The following CHD9 variants were observed in gnomAD, a reference collection of about 807,000 sequenced individuals.
The protein encoded by CHD9 is ATP-dependent chromatin remodeler CHD9.
Under a neutral mutation model 316.1 loss-of-function variants are expected in CHD9, and 77 were observed. The observed-to-expected ratio is 0.24, with a 90% CI of 0.20 to 0.29. The LOEUF is 0.29. Ranked by LOEUF, CHD9 falls within the 10% of genes least tolerant of loss-of-function variation. CHD9 has a pLI of 1.00. For missense variants in CHD9, 2,763 were observed against 3,438.1 expected (o/e 0.80, Z 4.91); for synonymous variants, 1,129 against 1,158.3 (o/e 0.97, Z 0.51).
intron 29 of CHD9, among the ~76,000 whole-genome samples, chr16:53,296,434 A>ATTTTTTTT (rs35618799): frequency 6.9e-5 from 7 of 101,762 alleles, no homozygotes; most frequent in African/African-American, 8.2e-5. Flanking sequence ...TTAAAAGTAA[A>ATTTTTTTT]TTTTTTTTTT....
At chr16:53,289,695 T>C (rs1166597313) in intron 27 of CHD9, among the ~76,000 whole-genome samples, 1 of 152,144 alleles carries the variant, frequency 6.6e-6, no homozygotes, top group Non-Finnish European at 1.5e-5. Flanking sequence ...GAATAGCATA[T>C]AAAAGCAGCA....
intron 1 of CHD9, among the ~76,000 whole-genome samples, chr16:53,115,987 G>A (rs2038265361): frequency 1.3e-5 from 2 of 152,214 alleles, no homozygotes. Flanking sequence ...TTGAGGAACA[G>A]ACTCCAGGTG....
chr16:53,098,336 C>T (rs1446637297), intron 1 of CHD9, among the ~76,000 whole-genome samples: 1 of 150,996 alleles, frequency 6.6e-6, no homozygotes, highest in East Asian at 2.0e-4. Flanking sequence ...ATAAGCTGGG[C>T]ATGGTGTTGG....
chr16:53,247,355 C>T lies in CHD9; in HGVS notation c.3517C>T (p.His1173Tyr). Residue 1173 changes from histidine to tyrosine, a missense_variant, in exon 16 of 39, where the codon CAT (histidine) becomes TAT (tyrosine). Transcript: ENST00000447540. ...DTYNPAASDFHLQAMIQSAGK... is the reference protein window; with the variant it reads ...DTYNPAASDFYLQAMIQSAGK... Reference sequence around the variant, plus strand: ...TTACAATCCAGCTGCTTCTGATTTTCATCTTCAAGCAATGATCCAGTCTGC... The same window carrying T: ...TTACAATCCAGCTGCTTCTGATTTTTATCTTCAAGCAATGATCCAGTCTGC... The T allele has an allele frequency of 6.2e-7, 1 of 1,607,178 alleles. No individual in the cohort carries two copies. The highest frequency in any genetic ancestry group is 1.3e-5 in the African/African-American group (1 of 75,004).
At chr16:53,225,081 A>G (rs1188906877) in intron 4 of CHD9, among the ~76,000 whole-genome samples, 2 of 152,114 alleles carry the variant, frequency 1.3e-5, no homozygotes, top group Non-Finnish European at 2.9e-5. Context: ...TCAGTATTTT[A>G]CTACTCACAA....
chr16:53,248,405 C>G (rs2049830158), intron 16 of CHD9, among the ~76,000 whole-genome samples: 4 of 150,596 alleles, frequency 2.7e-5, no homozygotes, highest in Admixed American at 1.3e-4. Flanking sequence ...GATATTTTAT[C>G]AGACCATTAG....
At chr16:53,214,183 T>C (rs2046557121) in intron 3 of CHD9, among the ~76,000 whole-genome samples, 1 of 152,174 alleles carries the variant, frequency 6.6e-6, no homozygotes, top group Admixed American at 6.5e-5. Flanking sequence ...TAGGTGTGTA[T>C]TTTTAACAAA....
Position 53,308,095 on chromosome 16 carries a change from C to G in CHD9, c.7053+142C>G, listed in dbSNP as rs954634758. On this transcript the variant is annotated intron_variant, in intron 33 of 38. Coordinates refer to ENST00000447540, the MANE Select transcript of CHD9 (RefSeq NM_001308319.2). ...TTTGGATTATTTTCTTTCTGATATC[C>G]AGGTTATTAAACTTGAATATTCTAC... 2.7e-5 allele frequency: 20 copies of G among 732,784 alleles called. No homozygotes were observed. In the African/African-American group the frequency reaches 3.4e-4, roughly 12 times the overall value. 45.4% of individuals were successfully genotyped at this position (732,784 alleles called of 1,614,324 possible).
chr16:53,190,355 A>C (rs1221898530), intron 2 of CHD9, among the ~76,000 whole-genome samples: 1 of 152,068 alleles, frequency 6.6e-6, no homozygotes, highest in Non-Finnish European at 1.5e-5. Flanking sequence ...AATCCATTCA[A>C]GCTCATTTTC....
intron 1 of CHD9, among the ~76,000 whole-genome samples, chr16:53,144,674 G>A (rs770580222): frequency 4.7e-4 from 72 of 151,836 alleles, no homozygotes; most frequent in Non-Finnish European, 7.2e-4. Flanking sequence ...GACTACAGGC[G>A]CCCACTATGC....
Position 53,255,768 on chromosome 16 carries a change from A to T in CHD9, c.4198A>T (p.Thr1400Ser), listed in dbSNP as rs1245178368. The T allele has an allele frequency of 5.6e-6, 9 of 1,613,688 alleles. No homozygotes were observed. The highest frequency in any genetic ancestry group is 6.8e-6 in the Non-Finnish European group (8 of 1,179,758). Reference sequence around the variant, plus strand: ...AATTGAATCAGAAGGACGTGGGTCAACATTTGCCAAGGTAATAGTGGGTGC... The same window carrying T: ...AATTGAATCAGAAGGACGTGGGTCATCATTTGCCAAGGTAATAGTGGGTGC... ...ITIESEGRGS[T>S]FAKASFVASG... Residue 1400 changes from threonine (T) to serine (S), a missense_variant, in exon 19 of 39, where the codon ACA becomes TCA. Around this residue, in one of 15 missense-constraint regions of CHD9, gnomAD observed 199 missense variants for 251.7 expected, o/e 0.79. Coordinates refer to ENST00000447540, the MANE Select transcript of CHD9 (RefSeq NM_001308319.2).
At chr16:53,143,678 C>T (rs2040332579) in intron 1 of CHD9, among the ~76,000 whole-genome samples, 1 of 152,126 alleles carries the variant, frequency 6.6e-6, no homozygotes, top group Non-Finnish European at 1.5e-5. Context: ...TGAGCTACCA[C>T]GCCCGGCCTC....
In CHD9 at chr16:53,324,977, G is replaced by A. The variant is rs147508306; in HGVS notation, c.*82G>A. 269 of 1,186,476 alleles carry A rather than the reference G, an allele frequency of 2.3e-4. No homozygotes were observed. In the African/African-American group the frequency reaches 3.7e-3, roughly 16 times the overall value. 73.5% of individuals were successfully genotyped at this position (1,186,476 alleles called of 1,614,324 possible). ...AATTGTAAATACCCCAGTGTTGAGT[G>A]CATCAATAACTTACTGACCGAACAT... On this transcript the variant is annotated 3_prime_UTR_variant, in exon 39 of 39. Transcript: ENST00000447540.
chr16:53,074,699 T>C (rs558559503), intron 1 of CHD9, among the ~76,000 whole-genome samples: 1 of 152,362 alleles, frequency 6.6e-6, no homozygotes, highest in South Asian at 2.1e-4. Flanking sequence ...GTTGAGCCTG[T>C]GGCTGCACAG....
intron 26 of CHD9, among the ~76,000 whole-genome samples, chr16:53,286,970 AT>A (rs1019490255): frequency 2.0e-5 from 3 of 151,384 alleles, no homozygotes; most frequent in Non-Finnish European, 2.9e-5. Flanking sequence ...TTTTCCAGAT[AT>A]TTTCTTGAGA....
chr16:53,078,910 A>G (rs934060589), intron 1 of CHD9, among the ~76,000 whole-genome samples: 2 of 152,178 alleles, frequency 1.3e-5, no homozygotes. Flanking sequence ...GGTGATGCTA[A>G]CCAGCATCAC....
At chr16:53,182,578 T>G (rs1484164167) in intron 2 of CHD9, among the ~76,000 whole-genome samples, 1 of 152,226 alleles carries the variant, frequency 6.6e-6, no homozygotes, top group Non-Finnish European at 1.5e-5. Context: ...GTATCTTGAA[T>G]GCAATTTTTG....
chr16:53,304,106 C>T lies in CHD9; in HGVS notation c.6100C>T (p.Leu2034Phe), dbSNP rs2055699301. The T allele has an allele frequency of 6.2e-7, 1 of 1,613,780 alleles. No homozygotes were observed. Among genetic ancestry groups the T allele is most frequent in the African/African-American group, 1.3e-5 (1 of 74,902 alleles). The change falls in exon 31 of 39, where the codon CTC becomes TTC. Residue 2034 changes from leucine to phenylalanine, a missense_variant. This residue lies in a region of CHD9 where 663 missense variants were observed against 751.2 expected (regional missense o/e 0.88). Transcript: ENST00000447540. ...TTCTCCTCTTACCTCTCTACCTAGG[C>T]TCCTAGATGCTAAAGGTATTATTCT... ...SASPLTSLPR[L>F]LDAKGIILEE...
At chr16:53,183,907 A>G (rs2043755769) in intron 2 of CHD9, among the ~76,000 whole-genome samples, 1 of 152,000 alleles carries the variant, frequency 6.6e-6, no homozygotes, top group Non-Finnish European at 1.5e-5. Flanking sequence ...GGTACCATCC[A>G]CACAAGATTG....
Sources: gnomAD v4.1 joint callset for allele counts (sites outside exome capture counted in the v4.1 genomes callset) on GRCh38, gnomAD v4.1.1 for gene constraint, gnomAD v4.1.1 regional missense constraint, MANE v1.5 for transcripts, NCBI Gene and HGNC (gene_info 2026-07-23, HGNC 2026-07-21) for gene names.